Variants in PDE8A observed in about 807,000 individuals in gnomAD.
PDE8A encodes high affinity cAMP-specific and IBMX-insensitive 3',5'-cyclic phosphodiesterase 8A.
A neutral mutation model predicts 105.0 loss-of-function variants in PDE8A; 59 were observed. That is an observed-to-expected ratio of 0.56 (90% CI 0.46 to 0.70). The LOEUF (loss-of-function observed/expected upper bound fraction) is 0.70. Among genes scored for constraint, PDE8A ranks in the 30% least tolerant of loss-of-function variants. The pLI, the probability that PDE8A is intolerant of heterozygous loss-of-function variation, is 0.00. For missense variants in PDE8A, 1,014 were observed against 1,045.9 expected (o/e 0.97, Z 0.42); for synonymous variants, 355 against 371.9 (o/e 0.95, Z 0.52).
chr15:85,047,398 G>T (rs192606878), intron 1 of PDE8A, among the ~76,000 whole-genome samples: 6 of 152,120 alleles, frequency 3.9e-5, no homozygotes, highest in East Asian at 3.9e-4. Context: ...GGTTATTTTG[G>T]GGGGAGCAGT....
chr15:85,111,651 C>T (rs572797987), intron 12 of PDE8A, among the ~76,000 whole-genome samples: 25 of 152,238 alleles, frequency 1.6e-4, no homozygotes, highest in African/African-American at 6.0e-4. Flanking sequence ...TTCTTCAGTG[C>T]CTTGGCCGTT....
Position 84,993,494 on chromosome 15 carries a change from A to ACTTAAATT in PDE8A, c.186+11147_186+11154dup, listed in dbSNP as rs1380330484. 1.1e-4 allele frequency among the ~76,000 whole-genome samples: 16 copies of ACTTAAATT among 151,390 alleles called. No individual in the cohort carries two copies. The East Asian group carries it at 2.9e-3, about 27-fold the overall frequency. The stretch of plus-strand genomic sequence containing the variant: ...CAAGGATCACTTAAATTGTACAATC[A>ACTTAAATT]CTTAAATTGCACAGTCAGGAGATAA... On this transcript the variant is annotated intron_variant, in intron 1 of 21. Coordinates refer to ENST00000394553, the MANE Select transcript of PDE8A (RefSeq NM_002605.3).
chr15:85,014,558 T>C (rs2080292783), intron 1 of PDE8A, among the ~76,000 whole-genome samples: 1 of 152,192 alleles, frequency 6.6e-6, no homozygotes, highest in Non-Finnish European at 1.5e-5. Flanking sequence ...CTGTTAAATG[T>C]TATTTGTATT....
At chr15:85,056,454 C>T (rs1041115025) in intron 1 of PDE8A, among the ~76,000 whole-genome samples, 13 of 152,120 alleles carry the variant, frequency 8.5e-5, no homozygotes, top group African/African-American at 1.4e-4. Flanking sequence ...ACCAATCAGA[C>T]GTAGATTTGA....
intron 1 of PDE8A, among the ~76,000 whole-genome samples, chr15:84,994,334 T>C (rs1457642384): frequency 6.6e-6 from 1 of 152,232 alleles, no homozygotes; most frequent in African/African-American, 2.4e-5. Context: ...ACACTTTTTA[T>C]TGAGTTATAA....
chr15:85,031,316 T>C (rs1411045822), intron 1 of PDE8A, among the ~76,000 whole-genome samples: 1 of 152,164 alleles, frequency 6.6e-6, no homozygotes, highest in Non-Finnish European at 1.5e-5. Flanking sequence ...TAGCTTGTCT[T>C]GTAGTTTCTA....
At chr15:85,074,017 G>C (rs888008865) in intron 3 of PDE8A, among the ~76,000 whole-genome samples, 2 of 152,250 alleles carry the variant, frequency 1.3e-5, no homozygotes, top group African/African-American at 2.4e-5. Context: ...CTCTGGAGAG[G>C]ATAGGCAGGT....
chr15:85,127,082 A>G (rs1259169574), intron 20 of PDE8A, among the ~76,000 whole-genome samples: 1 of 152,102 alleles, frequency 6.6e-6, no homozygotes, highest in Non-Finnish European at 1.5e-5. Context: ...TGTAGTCCCA[A>G]GCTACTTGGG....
intron 20 of PDE8A, among the ~76,000 whole-genome samples, chr15:85,126,674 C>T (rs2082264081): frequency 6.6e-6 from 1 of 151,792 alleles, no homozygotes; most frequent in South Asian, 2.1e-4. Flanking sequence ...AAAAACCTCT[C>T]TTGGGGCAGA....
intron 1 of PDE8A, among the ~76,000 whole-genome samples, chr15:85,025,436 G>C (rs1403131221): frequency 6.6e-6 from 1 of 152,088 alleles, no homozygotes; most frequent in Admixed American, 6.5e-5. Flanking sequence ...GGGTGGGTAG[G>C]GGGTGTGGGG....
At chr15:85,127,776 G>T (rs1356706568) in intron 20 of PDE8A, among the ~76,000 whole-genome samples, 1 of 151,980 alleles carries the variant, frequency 6.6e-6, no homozygotes, top group Non-Finnish European at 1.5e-5. Flanking sequence ...AATTTCAGCA[G>T]GTTTTTTTTC....
chr15:85,091,087 G>C lies in PDE8A; in HGVS notation c.758G>C (p.Gly253Ala), dbSNP rs199976667. ...AFETTMGYQS[G>A]ELIGKELGEV... Reference sequence around the variant, plus strand: ...GAAACAACAATGGGCTATCAGTCAGGTGAATTAATAGGGAAGGAGTTAGGA... The same window carrying C: ...GAAACAACAATGGGCTATCAGTCAGCTGAATTAATAGGGAAGGAGTTAGGA... The change falls in exon 8 of 22, where the codon GGT becomes GCT. Residue 253 changes from glycine (G) to alanine (A), a missense_variant. Physicochemically the swap from Gly to Ala is moderately conservative, Grantham distance 60. Coordinates refer to ENST00000394553, the MANE Select transcript of PDE8A (RefSeq NM_002605.3). The C allele has an allele frequency of 6.2e-7, 1 of 1,612,670 alleles. No homozygotes were observed. The highest frequency in any genetic ancestry group is 1.3e-5 in the African/African-American group (1 of 75,006).
At chr15:85,094,678 C>T (rs879377715) in intron 8 of PDE8A, among the ~76,000 whole-genome samples, 2 of 152,210 alleles carry the variant, frequency 1.3e-5, no homozygotes, top group Non-Finnish European at 2.9e-5. Context: ...ATCCCTTCCT[C>T]CCCGTTGGTC....
chr15:84,987,305 C>G (rs1366723771), intron 1 of PDE8A, among the ~76,000 whole-genome samples: 1 of 152,114 alleles, frequency 6.6e-6, no homozygotes, highest in Non-Finnish European at 1.5e-5. Flanking sequence ...GACATTGTCA[C>G]AATTCTGTTA....
intron 1 of PDE8A, among the ~76,000 whole-genome samples, chr15:85,032,657 A>G (rs932157793): frequency 6.6e-6 from 1 of 152,180 alleles, no homozygotes; most frequent in Non-Finnish European, 1.5e-5. Context: ...AGTTAAAAGG[A>G]AGTTCTCTTG....
intron 3 of PDE8A, among the ~76,000 whole-genome samples, chr15:85,071,374 T>C (rs1414340484): frequency 6.6e-6 from 1 of 152,246 alleles, no homozygotes; most frequent in African/African-American, 2.4e-5. Context: ...CCATCCCTGC[T>C]GCCCCTGATT....
chr15:85,028,092 G>A (rs1380256094), intron 1 of PDE8A, among the ~76,000 whole-genome samples: 2 of 152,148 alleles, frequency 1.3e-5, no homozygotes, highest in Non-Finnish European at 2.9e-5. Context: ...TTGTAATCAT[G>A]ATTCCTAAAA....
intron 8 of PDE8A, among the ~76,000 whole-genome samples, chr15:85,097,306 C>T (rs2081771906): frequency 6.6e-6 from 1 of 152,090 alleles, no homozygotes; most frequent in African/African-American, 2.4e-5. Flanking sequence ...TCTGTGTAGC[C>T]CTCTTTCCCC....
At chr15:85,067,389 C>G (rs953870978) in intron 3 of PDE8A, among the ~76,000 whole-genome samples, 185 bp downstream of exon 3, 1 of 152,176 alleles carries the variant, frequency 6.6e-6, no homozygotes, top group Non-Finnish European at 1.5e-5. Flanking sequence ...TCTTGCTTCA[C>G]TTTACTTGAA....
Sources: gnomAD v4.1 joint callset for allele counts (sites outside exome capture counted in the v4.1 genomes callset) on GRCh38, gnomAD v4.1.1 for gene constraint, MANE v1.5 for transcripts, NCBI Gene and HGNC (gene_info 2026-07-23, HGNC 2026-07-21) for gene names.